NSFL1C: variants seen among roughly 807,000 people sequenced by gnomAD.
NSFL1C encodes the protein NSFL1 cofactor p47.
A neutral mutation model predicts 43.1 loss-of-function variants in NSFL1C; 14 were observed. The ratio of observed to expected loss-of-function variants is 0.32; its 90% confidence interval spans 0.21 to 0.51. The LOEUF is 0.51. Ranked by LOEUF, NSFL1C falls within the 20% of genes least tolerant of loss-of-function variation. The pLI is 0.98. For missense variants in NSFL1C, 406 were observed against 472.5 expected (o/e 0.86, Z 1.30); for synonymous variants, 171 against 183.5 (o/e 0.93, Z 0.55).
At chr20:1,447,026 C>G (rs549181580) in intron 7 of NSFL1C, among the ~76,000 whole-genome samples, 44 of 152,294 alleles carry the variant, frequency 2.9e-4, no homozygotes, top group Non-Finnish European at 2.9e-4. Flanking sequence ...AGAGATTGCA[C>G]AGTTAAATAT....
chr20:1,454,345 C>T, intron 4 of NSFL1C, 40 bp from the exon 5 acceptor site: 1 of 1,411,286 alleles, frequency 7.1e-7, no homozygotes, highest in South Asian at 1.2e-5. Flanking sequence ...GGGGTTGGTC[C>T]ATGGTACAAG....
At chr20:1,460,641 C>T (rs1448581386) in intron 2 of NSFL1C, among the ~76,000 whole-genome samples, 1 of 152,292 alleles carries the variant, frequency 6.6e-6, no homozygotes, top group East Asian at 1.9e-4. Flanking sequence ...TCCGGTTACC[C>T]TAGCTCTGCC....
chr20:1,454,364 A>G, intron 4 of NSFL1C, 59 bp from the exon 5 acceptor site: 1 of 1,137,264 alleles, frequency 8.8e-7, no homozygotes, highest in Non-Finnish European at 1.3e-6. Context: ...AGGGTTACTC[A>G]GATACAATGA....
At chr20:1,446,040 C>T (rs2064645) in intron 7 of NSFL1C, 74,052 of 599,790 alleles carry the variant, frequency 0.12, 5,490 homozygotes, top group African/African-American at 0.23. Context: ...ATATTTCATA[C>T]GTTATTGCTA....
intron 1 of NSFL1C, among the ~76,000 whole-genome samples, chr20:1,466,478 G>A (rs970628537): frequency 6.6e-6 from 1 of 152,226 alleles, no homozygotes; most frequent in Non-Finnish European, 1.5e-5. Flanking sequence ...TCTCGCTGAC[G>A]CCGCAAGCGG....
chr20:1,463,579 G>C (rs2122962898), intron 2 of NSFL1C: 1 of 152,288 alleles, frequency 6.6e-6, no homozygotes. Flanking sequence ...AAGAAACACT[G>C]TTGGTTATAT....
At position 1,453,120 on chromosome 20, in the gene NSFL1C, G is replaced by C. The variant is rs1192854397; in HGVS notation, c.558C>G (p.Leu186=). ...SSQDVHVVLK[L]WKSGFSLDNG... The stretch of plus-strand genomic sequence containing the variant: ...TATCCAGGCTGAATCCACTCTTCCA[G>C]AGTTTCAATACTACATGAACCTGTG... Residue 186 remains leucine, a synonymous_variant, in exon 6 of 9, where the codon CTC becomes CTG. Coordinates refer to ENST00000216879, the MANE Select transcript of NSFL1C (RefSeq NM_016143.5). The C allele has an allele frequency of 6.2e-7, 1 of 1,606,472 alleles. No homozygotes were observed. Among genetic ancestry groups the C allele is most frequent in the Non-Finnish European group, 8.5e-7 (1 of 1,173,252 alleles).
At position 1,445,703 on chromosome 20, in the gene NSFL1C, C is replaced by T. The variant is rs776964774; in HGVS notation, c.913G>A (p.Gly305Ser). 4.3e-6 allele frequency: 7 copies of T among 1,613,604 alleles called. No homozygotes were observed. In the Admixed American group the frequency reaches 5.0e-5, roughly 12 times the overall value. Residue 305 changes from glycine to serine, a missense_variant, in exon 8 of 9, where the codon GGC (glycine) becomes AGC (serine). Around this residue, in one of 3 missense-constraint regions of NSFL1C, gnomAD observed 196 missense variants for 228.0 expected, o/e 0.86. Transcript: ENST00000216879. ...TTNIQIRLAD[G>S]GRLVQKFNHS... ...TTAAATTTCTGCACCAGCCTCCCGCCGTCTGCAAGCCGAATTTGGATGTTT... is the reference window on the plus strand; with the variant it reads ...TTAAATTTCTGCACCAGCCTCCCGCTGTCTGCAAGCCGAATTTGGATGTTT...
chr20:1,458,767 A>G (rs2090353166), intron 2 of NSFL1C, among the ~76,000 whole-genome samples: 1 of 152,188 alleles, frequency 6.6e-6, no homozygotes, highest in Admixed American at 6.5e-5. Flanking sequence ...GCATTATAGG[A>G]AAGCAGCATA....
chr20:1,464,013 T>C (rs2090462505), intron 2 of NSFL1C: 2 of 315,048 alleles, frequency 6.3e-6, no homozygotes, highest in Admixed American at 4.8e-5. Flanking sequence ...TATAGCACCC[T>C]TGAAAGGAAG....
In NSFL1C at chr20:1,452,905, G is replaced by A. The variant is rs148605426; in HGVS notation, c.647+126C>T. 240 of 733,294 alleles carry A rather than the reference G, an allele frequency of 3.3e-4. 1 individual carries two copies. In the African/African-American group the frequency reaches 3.6e-3, roughly 11 times the overall value. 45.4% of individuals were successfully genotyped at this position (733,294 alleles called of 1,614,324 possible). A position where few individuals can be genotyped will look rare whatever the true frequency, so the allele number is the denominator to read the frequency against. On this transcript the variant is annotated intron_variant, in intron 6 of 8. Transcript: ENST00000216879. The stretch of plus-strand genomic sequence containing the variant: ...GTTTTTGGAGCAGATCTATGAATCC[G>A]TATCTCAACTATGCTGAATCTGCTT...
In NSFL1C at chr20:1,443,887, G is replaced by T. The variant is rs1427924020; in HGVS notation, c.975C>A (p.Ile325=). The part of the protein sequence containing the change: ...SHRISDIRLF[I]VDARPAMAAT... ...CAGCCATGGCTGGCCGGGCATCCAC[G>T]ATGAAGAGTCGGATGTCGCTGATCC... The change falls in exon 9 of 9, where the codon ATC becomes ATA. Residue 325 remains isoleucine (I), a synonymous_variant. Transcript: ENST00000216879. 6.2e-7 allele frequency: 1 copy of T among 1,612,778 alleles called. No individual in the cohort carries two copies. The highest frequency in any genetic ancestry group is 8.5e-7 in the Non-Finnish European group (1 of 1,179,860).
rs1037230281 is a variant in NSFL1C, at chr20:1,443,483, G to A, written c.*266C>T. ...AGCCTGCTTCAGTGGGAGAGTTTCC[G>A]TACAACATGCTGGTGATATTCCTTC... On this transcript the variant is annotated 3_prime_UTR_variant, in exon 9 of 9. Coordinates refer to ENST00000216879, the MANE Select transcript of NSFL1C (RefSeq NM_016143.5). The A allele has an allele frequency of 2.4e-5, 8 of 333,802 alleles. No homozygotes were observed. Among genetic ancestry groups the A allele is most frequent in the Admixed American group, 8.5e-5 (2 of 23,440 alleles). 20.7% of individuals were successfully genotyped at this position (333,802 alleles called of 1,614,324 possible). A position where few individuals can be genotyped will look rare whatever the true frequency, so the allele number is the denominator to read the frequency against.
chr20:1,452,734 T>C, intron 6 of NSFL1C, 104 bp from the exon 7 acceptor site: 1 of 1,441,964 alleles, frequency 6.9e-7, no homozygotes, highest in Non-Finnish European at 9.4e-7. Flanking sequence ...GAAAAATCGC[T>C]GGGCCTCCAA....
rs776911869 is a variant in NSFL1C at position 1,443,934 on chromosome 20, G to A, written c.951-23C>T. On this transcript the variant is annotated intron_variant, in intron 8 of 8. Coordinates refer to ENST00000216879, the MANE Select transcript of NSFL1C (RefSeq NM_016143.5). Reference sequence around the variant, plus strand: ...ATCCTGCAGGAGTTGGGGAAGCGGTGAGCAGTGCCATCCTCTGCTGTCCAT... The same window carrying A: ...ATCCTGCAGGAGTTGGGGAAGCGGTAAGCAGTGCCATCCTCTGCTGTCCAT... 1.4e-5 allele frequency: 23 copies of A among 1,601,434 alleles called. No homozygotes were observed. The South Asian group carries it at 2.3e-4, about 16-fold the overall frequency.
intron 4 of NSFL1C, 123 bp downstream of exon 4, chr20:1,454,844 A>G: frequency 9.6e-7 from 1 of 1,042,494 alleles, no homozygotes; most frequent in Non-Finnish European, 1.4e-6. Flanking sequence ...CGTGTTCCGC[A>G]CAGAAGACCA....
At chr20:1,456,767 C>T (rs1291367103) in intron 3 of NSFL1C, 3 of 151,930 alleles carry the variant, frequency 2.0e-5, no homozygotes. Context: ...TAAAAACTAT[C>T]CTAAAAAAAA....
chr20:1,451,890 G>C (rs1027924234), intron 7 of NSFL1C, among the ~76,000 whole-genome samples: 3 of 152,224 alleles, frequency 2.0e-5, no homozygotes, highest in Non-Finnish European at 4.4e-5. Context: ...CAGAGTGAGT[G>C]TCAGGAAGGG....
intron 2 of NSFL1C, 94 bp downstream of exon 2, chr20:1,464,235 G>T (rs575993233): frequency 3.8e-6 from 4 of 1,041,710 alleles, no homozygotes; most frequent in Non-Finnish European, 6.0e-6. Flanking sequence ...TTCAGACCTG[G>T]TCCACACACC....
Sources: gnomAD v4.1 joint callset for allele counts (sites outside exome capture counted in the v4.1 genomes callset) on GRCh38, gnomAD v4.1.1 for gene constraint, gnomAD v4.1.1 regional missense constraint, MANE v1.5 for transcripts, NCBI Gene and HGNC (gene_info 2026-07-23, HGNC 2026-07-21) for gene names.